The following DOCK9 variants were observed in gnomAD, a reference collection of about 807,000 sequenced individuals.
The protein encoded by DOCK9 is dedicator of cytokinesis 9.
Under a neutral mutation model 263.3 loss-of-function variants are expected in DOCK9, and 89 were observed. The ratio of observed to expected loss-of-function variants is 0.34; its 90% CI spans 0.28 to 0.40. DOCK9 has a LOEUF of 0.40. Among genes scored for constraint, DOCK9 ranks in the 10% least tolerant of loss-of-function variants. DOCK9 has a pLI of 1.00. For synonymous variants in DOCK9, 976 were observed against 973.1 expected (o/e 1.00, Z -0.06); for missense variants, 2,140 against 2,603.4 (o/e 0.82, Z 3.87).
chr13:99,008,185 C>CCTCTCTCTCTCTCTCTCTCTCTCT (rs370963218), intron 1 of DOCK9, among the ~76,000 whole-genome samples: 20 of 100,980 alleles, frequency 2.0e-4, no homozygotes, highest in South Asian at 4.0e-4. Flanking sequence ...TATTGTGCAG[C>CCTCTCTCTCTCTCTCTCTCTCTCT]CTCTCTCTCT....
chr13:98,913,390 T>C (rs1429489615), intron 9 of DOCK9, among the ~76,000 whole-genome samples: 1 of 152,104 alleles, frequency 6.6e-6, no homozygotes, highest in Non-Finnish European at 1.5e-5. Flanking sequence ...AGGACACAAG[T>C]ACAAGGACAG....
intron 9 of DOCK9, among the ~76,000 whole-genome samples, chr13:98,908,249 C>T (rs960745846): frequency 1.3e-5 from 2 of 152,284 alleles, no homozygotes; most frequent in Admixed American, 6.5e-5. Flanking sequence ...TACCATTTTA[C>T]ACTCGTCTGG....
At chr13:98,804,084 T>G (rs567832596) in intron 49 of DOCK9, among the ~76,000 whole-genome samples, 6 of 152,172 alleles carry the variant, frequency 3.9e-5, no homozygotes, top group Non-Finnish European at 5.9e-5. Context: ...CTTATTATGA[T>G]AGTGTGTATT....
At chr13:98,889,754 T>C (rs1346997252) in intron 15 of DOCK9, among the ~76,000 whole-genome samples, 1 of 152,222 alleles carries the variant, frequency 6.6e-6, no homozygotes, top group Non-Finnish European at 1.5e-5. Flanking sequence ...TTCTCAGCAC[T>C]TTTGCACCTG....
In DOCK9 at chr13:98,888,130, G is replaced by A. The variant is rs528069047; in HGVS notation, c.2043+28C>T. On this transcript the variant is annotated intron_variant, in intron 18 of 52. Transcript: ENST00000682017. Reference sequence around the variant, plus strand: ...GAAAATGGAAAAATCAGAATTCGTAGGTGAACATATATTAAAAAAAAACAA... The same window carrying A: ...GAAAATGGAAAAATCAGAATTCGTAAGTGAACATATATTAAAAAAAAACAA... 3.3e-6 allele frequency: 5 copies of A among 1,495,368 alleles called. No individual in the cohort carries two copies. The African/African-American group carries it at 7.0e-5, about 21-fold the overall frequency. 92.6% of individuals were successfully genotyped at this position (1,495,368 alleles called of 1,614,324 possible).
At chr13:98,886,691 T>C in intron 18 of DOCK9, 67 bp from the exon 19 acceptor site, 2 of 1,429,210 alleles carry the variant, frequency 1.4e-6, no homozygotes, top group South Asian at 1.2e-5. Context: ...CTTGGATATA[T>C]CGTAAAGGAG....
intron 1 of DOCK9, among the ~76,000 whole-genome samples, chr13:99,050,633 C>T (rs2040647072): frequency 6.6e-6 from 1 of 152,174 alleles, no homozygotes; most frequent in Admixed American, 6.5e-5. Flanking sequence ...GGGGAGGTTG[C>T]AGTGAGCTAT....
chr13:98,903,114 T>C lies in DOCK9; in HGVS notation c.1036-2A>G. ...CTCAGCTGATGAGAAGTCAAGCTTC[T>C]TTAAAAGAAAATGTAAACATATAAA... On this transcript the variant is annotated splice_acceptor_variant, in intron 10 of 52. Transcript: ENST00000682017. LOFTEE classifies it high-confidence loss of function. 6.7e-7 allele frequency: 1 copy of C among 1,498,980 alleles called. No homozygotes were observed. The highest frequency in any genetic ancestry group is 8.8e-7 in the Non-Finnish European group (1 of 1,130,776). The allele number at this position is 1,498,980 out of a possible 1,614,324, so 92.9% of individuals were successfully genotyped here. A position where few individuals can be genotyped will look rare whatever the true frequency, so the allele number is the denominator to read the frequency against.
At chr13:99,003,933 T>C (rs1181526516) in intron 1 of DOCK9, among the ~76,000 whole-genome samples, 1 of 152,194 alleles carries the variant, frequency 6.6e-6, no homozygotes, top group South Asian at 2.1e-4. Context: ...AGACCCACCA[T>C]GATATGTCCC....
chr13:98,865,777 G>C (rs2094003158), intron 30 of DOCK9, among the ~76,000 whole-genome samples: 1 of 152,186 alleles, frequency 6.6e-6, no homozygotes, highest in Non-Finnish European at 1.5e-5. Flanking sequence ...GGGCAGGAAA[G>C]AGTGGTTAAT....
chr13:98,999,316 A>ACACACTCTCTCT lies in DOCK9; in HGVS notation c.130-43766_130-43765insAGAGAGAGTGTG. Among the ~76,000 whole-genome samples, 362 of 138,362 alleles carry ACACACTCTCTCT rather than the reference A, an allele frequency of 2.6e-3. 2 individuals carry two copies. Among genetic ancestry groups the ACACACTCTCTCT allele is most frequent in the African/African-American group, 8.6e-3 (304 of 35,542 alleles). The allele number at this position is 138,362 out of a possible 152,430, so 90.8% of individuals were successfully genotyped here. On this transcript the variant is annotated intron_variant, in intron 1 of 32. Transcript: ENST00000427887. ...CACACACACACACACACACACACAC[A>ACACACTCTCTCT]CTCTCTCTCTCTCTCTCTCTGGAAG...
chr13:98,850,693 T>C (rs2093540902), intron 35 of DOCK9, among the ~76,000 whole-genome samples: 1 of 152,214 alleles, frequency 6.6e-6, no homozygotes, highest in Non-Finnish European at 1.5e-5. Context: ...CTATTATAAT[T>C]ATGTTTCAAT....
chr13:98,977,024 C>G (rs1874898668), intron 1 of DOCK9, among the ~76,000 whole-genome samples: 1 of 152,306 alleles, frequency 6.6e-6, no homozygotes, highest in African/African-American at 2.4e-5. Flanking sequence ...ATTGTCCCCC[C>G]TCTGCAGGGC....
chr13:98,880,725 G>A, intron 25 of DOCK9, 53 bp from the exon 26 acceptor site: 1 of 1,589,594 alleles, frequency 6.3e-7, no homozygotes, highest in Non-Finnish European at 8.6e-7. Flanking sequence ...AATGTGGGCT[G>A]AAAGCTTGAG....
At chr13:98,812,641 C>T (rs1308288008) in intron 45 of DOCK9, among the ~76,000 whole-genome samples, 4 of 152,286 alleles carry the variant, frequency 2.6e-5, no homozygotes, top group Admixed American at 2.6e-4. Flanking sequence ...AGGGTGATTA[C>T]ACTAGTTTAA....
chr13:98,977,396 A>C (rs962020802), intron 1 of DOCK9, among the ~76,000 whole-genome samples: 2 of 152,212 alleles, frequency 1.3e-5, no homozygotes, highest in Admixed American at 1.3e-4. Flanking sequence ...TCATTTTCTC[A>C]ATAGCATAAA....
At chr13:98,870,624 T>C (rs2094160218) in intron 27 of DOCK9, among the ~76,000 whole-genome samples, 1 of 152,274 alleles carries the variant, frequency 6.6e-6, no homozygotes, top group South Asian at 2.1e-4. Context: ...GTGGGCACCA[T>C]GTAAACCTAT....
chr13:98,987,057 C>T (rs751053506), intron 1 of DOCK9, among the ~76,000 whole-genome samples: 72 of 152,164 alleles, frequency 4.7e-4, no homozygotes, highest in Non-Finnish European at 8.2e-4. Flanking sequence ...AGCACCATCA[C>T]CATCTTCACC....
At chr13:98,975,260 T>C (rs1022088444) in intron 1 of DOCK9, among the ~76,000 whole-genome samples, 7 of 151,322 alleles carry the variant, frequency 4.6e-5, no homozygotes, top group Non-Finnish European at 8.8e-5. Flanking sequence ...GCACCTATAA[T>C]CTTAGCTACT....
Sources: gnomAD v4.1 joint callset for allele counts (sites outside exome capture counted in the v4.1 genomes callset) on GRCh38, gnomAD v4.1.1 for gene constraint, MANE v1.5 for transcripts, NCBI Gene and HGNC (gene_info 2026-07-23, HGNC 2026-07-21) for gene names.